The following MAP4 variants were observed in gnomAD, a reference collection of about 807,000 sequenced individuals.
MAP4 encodes microtubule associated protein 4.
Under a neutral mutation model 170.2 loss-of-function variants are expected in MAP4, and 76 were observed. The ratio of observed to expected loss-of-function variants is 0.45; its 90% CI spans 0.37 to 0.54. MAP4 has a LOEUF of 0.54. Among genes scored for constraint, MAP4 ranks in the 20% least tolerant of loss-of-function variants. The pLI, the probability that MAP4 is intolerant of heterozygous loss-of-function variation, is 0.00. For synonymous variants in MAP4, 909 were observed against 994.5 expected, an observed-to-expected ratio of 0.91 and a Z score of 1.62; for missense variants, 2,506 against 2,748.0, an observed-to-expected ratio of 0.91 and a Z score of 1.97.
intron 19 of MAP4, among the ~76,000 whole-genome samples, chr3:47,854,408 C>T (rs557835806): frequency 2.6e-5 from 4 of 152,164 alleles, no homozygotes; most frequent in South Asian, 2.1e-4. Flanking sequence ...GGACAGGGGA[C>T]GGGCTGGGCA....
intron 2 of MAP4, among the ~76,000 whole-genome samples, chr3:47,993,000 G>A (rs1407082505): frequency 6.6e-6 from 1 of 151,016 alleles, no homozygotes; most frequent in Non-Finnish European, 1.5e-5. Flanking sequence ...AGTTTGAAAA[G>A]AGCCCCTAAT....
intron 3 of MAP4, chr3:47,974,139 T>G (rs1447463733): frequency 8.1e-5 from 80 of 984,700 alleles, no homozygotes; most frequent in Non-Finnish European, 9.2e-5. Flanking sequence ...AAACAATGTA[T>G]ATCTGGCCAG....
intron 5 of MAP4, among the ~76,000 whole-genome samples, chr3:47,920,564 T>A (rs2100042292): frequency 6.6e-6 from 1 of 151,040 alleles, no homozygotes; most frequent in East Asian, 2.0e-4. Flanking sequence ...TTTTTTTTTT[T>A]TTTTAAGACA....
At chr3:47,978,999 A>G (rs1369621922) in intron 2 of MAP4, among the ~76,000 whole-genome samples, 3 of 151,880 alleles carry the variant, frequency 2.0e-5, no homozygotes, top group Non-Finnish European at 2.9e-5. Flanking sequence ...TCTAACTTAT[A>G]CTGTATTTTC....
At chr3:47,994,742 G>T (rs1269659259) in intron 2 of MAP4, among the ~76,000 whole-genome samples, 2 of 152,156 alleles carry the variant, frequency 1.3e-5, no homozygotes, top group Non-Finnish European at 2.9e-5. Context: ...CTGAGGTCAG[G>T]AGTTTGAGAC....
chr3:47,885,720 C>T (rs917904278), intron 10 of MAP4, among the ~76,000 whole-genome samples: 8 of 151,310 alleles, frequency 5.3e-5, no homozygotes, highest in African/African-American at 1.5e-4. Flanking sequence ...AATTTGTTAA[C>T]GCCTTTGTTC....
chr3:48,028,240 CAAAATCGCACCACTGTACT>C (rs2100114100), intron 1 of MAP4, among the ~76,000 whole-genome samples: 1 of 152,108 alleles, frequency 6.6e-6, no homozygotes, highest in African/African-American at 2.4e-5. Flanking sequence ...TGTAGCGAGC[CAAAATCGCACCACTGTACT>C]CTAGCATGGG....
chr3:47,946,257 C>T (rs2100059831), intron 3 of MAP4, among the ~76,000 whole-genome samples: 1 of 151,570 alleles, frequency 6.6e-6, no homozygotes, highest in South Asian at 2.1e-4. Context: ...AACTTAAATG[C>T]TCAGGACTAT....
chr3:48,072,925 A>G (rs1482518614), intron 1 of MAP4, among the ~76,000 whole-genome samples: 1 of 152,184 alleles, frequency 6.6e-6, no homozygotes, highest in Non-Finnish European at 1.5e-5. Context: ...CTCTCAGGCC[A>G]GTGACAAGAT....
At chr3:47,988,297 G>C (rs929692049) in intron 2 of MAP4, among the ~76,000 whole-genome samples, 2 of 151,836 alleles carry the variant, frequency 1.3e-5, no homozygotes, top group Non-Finnish European at 2.9e-5. Context: ...TATGTTTGAT[G>C]CTGGTGAATG....
intron 1 of MAP4, among the ~76,000 whole-genome samples, chr3:48,022,815 C>T (rs909723807): frequency 1.3e-5 from 2 of 152,052 alleles, no homozygotes; most frequent in East Asian, 1.9e-4. Flanking sequence ...CACTTGAACC[C>T]GGGAGGCAGA....
rs981295188 is a variant in MAP4 at position 47,871,392 on chromosome 3, T to G, written c.5942-106A>C. On this transcript the variant is annotated intron_variant, in intron 13 of 20. Transcript: ENST00000683076. The stretch of plus-strand genomic sequence containing the variant: ...ATTTAACAATTACTGAATATCTACT[T>G]TGAGCCAGGGACTGTGTTAGTCCCT... 6.3e-6 allele frequency: 6 copies of G among 959,650 alleles called. No homozygotes were observed. In the African/African-American group the frequency reaches 6.5e-5, roughly 10 times the overall value. 59.4% of individuals were successfully genotyped at this position (959,650 alleles called of 1,614,324 possible).
Position 47,909,368 on chromosome 3 carries a change from C to A in MAP4, c.5053G>T (p.Val1685Phe), listed in dbSNP as rs376794391. 1 of 1,613,904 alleles carries A rather than the reference C, an allele frequency of 6.2e-7. No homozygotes were observed. The highest frequency in any genetic ancestry group is 2.2e-5 in the East Asian group (1 of 44,890). ...TGGATTTCTGGTGTTGGCAAGGAAACGCTTTCCAATTCCGTGATTTTACAA... is the reference window on the plus strand; with the variant it reads ...TGGATTTCTGGTGTTGGCAAGGAAAAGCTTTCCAATTCCGTGATTTTACAA... ...LACKITELES[V>F]SLPTPEIQSD... is the part of the protein sequence containing the mutation. The change falls in exon 9 of 21, where the codon GTT (valine) becomes TTT (phenylalanine). Residue 1685 changes from valine (V) to phenylalanine (F), a missense_variant. Val to Phe is a conservative substitution (Grantham distance 50, BLOSUM62 -1). Around this residue, in one of 3 missense-constraint regions of MAP4, gnomAD observed 2,008 missense variants for 2,206.0 expected, o/e 0.91. Transcript: ENST00000683076.
intron 10 of MAP4, among the ~76,000 whole-genome samples, chr3:47,878,128 C>G (rs1376121831): frequency 6.6e-6 from 1 of 152,180 alleles, no homozygotes; most frequent in Non-Finnish European, 1.5e-5. Context: ...AGAGGTTACT[C>G]TGGATTTCAA....
intron 1 of MAP4, among the ~76,000 whole-genome samples, chr3:48,031,000 T>C (rs1487522441): frequency 1.3e-5 from 2 of 152,016 alleles, no homozygotes; most frequent in African/African-American, 4.8e-5. Context: ...CTTCATCCTT[T>C]ACATGTGCAT....
At chr3:47,994,353 A>C (rs1325575642) in intron 2 of MAP4, among the ~76,000 whole-genome samples, 1 of 152,234 alleles carries the variant, frequency 6.6e-6, no homozygotes, top group African/African-American at 2.4e-5. Context: ...TGAAGAAAGG[A>C]ATGATAAGAT....
chr3:47,948,304 A>C (rs537260011), intron 3 of MAP4, among the ~76,000 whole-genome samples: 66 of 147,954 alleles, frequency 4.5e-4, no homozygotes, highest in Non-Finnish European at 7.0e-4. Context: ...TGTGATCATA[A>C]TTCACTGCAG....
intron 15 of MAP4, 50 bp from the exon 16 acceptor site, chr3:47,869,377 T>C (rs1559829917): frequency 1.6e-6 from 2 of 1,278,402 alleles, no homozygotes; most frequent in South Asian, 2.4e-5. Context: ...GGATAAGAGC[T>C]CAAAAGCCAA....
intron 1 of MAP4, among the ~76,000 whole-genome samples, chr3:48,059,382 GC>G (rs2100133929): frequency 6.6e-6 from 1 of 151,412 alleles, no homozygotes; most frequent in African/African-American, 2.4e-5. Context: ...AGGCATGGTG[GC>G]GTGCGCCTGT....
Sources: allele counts gnomAD v4.1 joint callset (sites outside exome capture counted in the v4.1 genomes callset), GRCh38; gene constraint gnomAD v4.1.1; regional missense constraint gnomAD v4.1.1; transcripts MANE v1.5; gene names NCBI Gene and HGNC (gene_info 2026-07-23, HGNC 2026-07-21).